The following SLC44A5 variants were observed in gnomAD, a reference collection of about 807,000 sequenced individuals.
SLC44A5 encodes solute carrier family 44 member 5, also known as choline transporter-like protein 5.
A neutral mutation model predicts 101.8 loss-of-function variants in SLC44A5; 57 were observed. That is an observed-to-expected ratio of 0.56 (90% CI 0.45 to 0.70). The LOEUF is 0.70. Among genes scored for constraint, SLC44A5 ranks in the 30% least tolerant of loss-of-function variants. The pLI, the probability that SLC44A5 is intolerant of heterozygous loss-of-function variation, is 0.00. For missense variants in SLC44A5, 737 were observed against 853.1 expected, an observed-to-expected ratio of 0.86 and a Z score of 1.70; for synonymous variants, 281 against 290.9, an observed-to-expected ratio of 0.97 and a Z score of 0.35.
chr1:75,261,488 A>C (rs748861910), intron 6 of SLC44A5, among the ~76,000 whole-genome samples: 1 of 152,146 alleles, frequency 6.6e-6, no homozygotes, highest in Non-Finnish European at 1.5e-5. Flanking sequence ...GAATCCTGGA[A>C]TAGACCAGTA....
chr1:75,425,704 T>C (rs1168263039), intron 2 of SLC44A5, among the ~76,000 whole-genome samples: 1 of 152,182 alleles, frequency 6.6e-6, no homozygotes, highest in Non-Finnish European at 1.5e-5. Flanking sequence ...GTATTCTGAA[T>C]TATTTGGAGA....
intron 6 of SLC44A5, among the ~76,000 whole-genome samples, chr1:75,263,355 A>T (rs921438853): frequency 3.3e-5 from 5 of 152,238 alleles, no homozygotes; most frequent in African/African-American, 1.2e-4. Context: ...GAAGACATTT[A>T]TGCAGCCAAC....
At chr1:75,219,153 T>G in intron 16 of SLC44A5, 104 bp downstream of exon 16, 2 of 800,512 alleles carry the variant, frequency 2.5e-6, no homozygotes, top group Non-Finnish European at 4.3e-6. Flanking sequence ...TCCCCATCAG[T>G]GTATAGGATC....
chr1:75,699,327 G>A, the SLC44A5 span, among the ~76,000 whole-genome samples: 1 of 152,134 alleles, frequency 6.6e-6, no homozygotes, highest in Non-Finnish European at 1.5e-5. Context: ...CTACAAGCCA[G>A]AAGAATTGGG....
At chr1:75,700,964 T>C in the SLC44A5 span, among the ~76,000 whole-genome samples, 3 of 152,110 alleles carry the variant, frequency 2.0e-5, no homozygotes, top group African/African-American at 4.8e-5. Flanking sequence ...CAGGAAGAAG[T>C]TGAATCTCTG....
chr1:75,326,884 T>A (rs551817998), intron 4 of SLC44A5, among the ~76,000 whole-genome samples: 1 of 152,224 alleles, frequency 6.6e-6, no homozygotes, highest in Non-Finnish European at 1.5e-5. Flanking sequence ...CAGAATTTTC[T>A]CCACCTATTG....
chr1:75,679,679 C>T, the SLC44A5 span, among the ~76,000 whole-genome samples: 23 of 152,012 alleles, frequency 1.5e-4, no homozygotes, highest in African/African-American at 7.3e-5. Context: ...TAAAGACCAT[C>T]GAGACTAGGA....
intron 3 of SLC44A5, among the ~76,000 whole-genome samples, chr1:75,377,067 A>G (rs961176627): frequency 4.6e-5 from 7 of 152,212 alleles, no homozygotes; most frequent in African/African-American, 7.2e-5. Flanking sequence ...AACTGGAAGA[A>G]AGGGTATCAG....
At chr1:75,249,565 G>T (rs761466137) in intron 7 of SLC44A5, among the ~76,000 whole-genome samples, 1 of 152,096 alleles carries the variant, frequency 6.6e-6, no homozygotes, top group African/African-American at 2.4e-5. Context: ...AATCTTCTCA[G>T]AGAACGCAAT....
At chr1:75,486,570 C>T (rs1007122538) in intron 2 of SLC44A5, among the ~76,000 whole-genome samples, 1 of 152,236 alleles carries the variant, frequency 6.6e-6, no homozygotes, top group South Asian at 2.1e-4. Context: ...AGTCGATCAG[C>T]CTTTTTGAAA....
chr1:75,604,145 A>C (rs1235033250), intron 1 of SLC44A5, among the ~76,000 whole-genome samples: 1 of 151,974 alleles, frequency 6.6e-6, no homozygotes, highest in Admixed American at 6.6e-5. Flanking sequence ...TATAGTTTGA[A>C]GTCTTACATT....
chr1:75,234,376 A>G (rs1647879545), intron 11 of SLC44A5, among the ~76,000 whole-genome samples: 1 of 152,042 alleles, frequency 6.6e-6, no homozygotes, highest in Admixed American at 6.6e-5. Flanking sequence ...GAAAAATACA[A>G]TTTCTCCAAC....
At chr1:75,307,186 G>A (rs1654978872) in intron 4 of SLC44A5, among the ~76,000 whole-genome samples, 3 of 152,116 alleles carry the variant, frequency 2.0e-5, no homozygotes, top group African/African-American at 7.2e-5. Context: ...TCAGTTTAGG[G>A]ACTGTCCACT....
intron 1 of SLC44A5, among the ~76,000 whole-genome samples, chr1:75,589,314 C>T (rs1216339968): frequency 6.6e-6 from 1 of 152,174 alleles, no homozygotes; most frequent in African/African-American, 2.4e-5. Flanking sequence ...CTTCCCTGAT[C>T]CTAAGTTTCC....
chr1:75,342,237 T>C (rs1484065970), intron 3 of SLC44A5, among the ~76,000 whole-genome samples: 1 of 152,140 alleles, frequency 6.6e-6, no homozygotes, highest in Non-Finnish European at 1.5e-5. Flanking sequence ...CTCTATAAAA[T>C]TTATTCTTAT....
rs140010512 is a variant in SLC44A5, at chr1:75,248,692, A to G, written c.345+2518T>C. On this transcript the variant is annotated intron_variant, in intron 7 of 23. Coordinates refer to ENST00000370859, the MANE Select transcript of SLC44A5 (RefSeq NM_001130058.2). ...GACAACGGTCTGTAGTATGGTTGAG[A>G]GACAGCATTAACGGCCCACTTGAAG... 3.6e-3 allele frequency among the ~76,000 whole-genome samples: 547 copies of G among 152,232 alleles called. 5 individuals carry two copies. Among genetic ancestry groups the G allele is most frequent in the African/African-American group, 0.012 (500 of 41,556 alleles).
chr1:75,552,662 C>T (rs1055413018), intron 1 of SLC44A5, among the ~76,000 whole-genome samples: 3 of 150,312 alleles, frequency 2.0e-5, no homozygotes, highest in African/African-American at 7.3e-5. Flanking sequence ...CTTTTTCCCA[C>T]CTCTGAATGC....
chr1:75,356,463 T>C (rs866514350), intron 3 of SLC44A5, among the ~76,000 whole-genome samples: 1 of 151,826 alleles, frequency 6.6e-6, no homozygotes, highest in Non-Finnish European at 1.5e-5. Flanking sequence ...AATAAGGATA[T>C]AAAGAAAGAA....
chr1:75,568,074 G>C lies in SLC44A5; in HGVS notation c.-69-26558C>G, dbSNP rs115197852. ...GGTGCCTAAGAAATTGGCAATGTAG[G>C]AAAGCAGTAGATTTTGTTTTGTACT... On this transcript the variant is annotated intron_variant, in intron 1 of 23. Transcript: ENST00000370859. 9.6e-3 allele frequency among the ~76,000 whole-genome samples: 1,468 copies of C among 152,234 alleles called. 37 individuals carry two copies. The highest frequency in any genetic ancestry group is 0.034 in the African/African-American group (1,402 of 41,548).
Sources: gnomAD v4.1 joint callset for allele counts (sites outside exome capture counted in the v4.1 genomes callset) on GRCh38, gnomAD v4.1.1 for gene constraint, MANE v1.5 for transcripts, NCBI Gene and HGNC (gene_info 2026-07-23, HGNC 2026-07-21) for gene names.